SPIDR: variants seen among roughly 807,000 people sequenced by gnomAD.
SPIDR encodes scaffold protein involved in DNA repair.
Under a neutral mutation model 104.6 loss-of-function variants are expected in SPIDR, and 93 were observed. That is an observed-to-expected ratio of 0.89 (90% CI 0.75 to 1.06). SPIDR has a LOEUF of 1.06. Ranked by LOEUF, SPIDR falls within the 50% of genes least tolerant of loss-of-function variation. The pLI is 0.00. For missense variants in SPIDR, 1,154 were observed against 1,111.2 expected (o/e 1.04, Z -0.55); for synonymous variants, 431 against 416.9 (o/e 1.03, Z -0.41).
intron 5 of SPIDR, among the ~76,000 whole-genome samples, chr8:47,357,229 T>C (rs1212017916): frequency 6.6e-6 from 1 of 152,236 alleles, no homozygotes; most frequent in Admixed American, 6.5e-5. Flanking sequence ...TTCTTGTTCA[T>C]CTTTTACTAA....
intron 11 of SPIDR, among the ~76,000 whole-genome samples, chr8:47,691,465 T>C (rs932154606): frequency 2.0e-5 from 3 of 152,196 alleles, no homozygotes; most frequent in Non-Finnish European, 2.9e-5. Flanking sequence ...CCTTCCTGGC[T>C]GTCCCACCAC....
At chr8:47,320,115 A>C (rs941771161) in intron 5 of SPIDR, among the ~76,000 whole-genome samples, 1 of 152,182 alleles carries the variant, frequency 6.6e-6, no homozygotes, top group African/African-American at 2.4e-5. Flanking sequence ...AACTGAAGGA[A>C]ATAGAGACAT....
At chr8:47,294,193 T>C in intron 5 of SPIDR, 163 bp downstream of exon 5, 1 of 846,132 alleles carries the variant, frequency 1.2e-6, no homozygotes. Context: ...CTAAATAACA[T>C]GCTTGTGCTG....
intron 5 of SPIDR, among the ~76,000 whole-genome samples, chr8:47,395,420 C>G (rs572096160): frequency 2.0e-4 from 30 of 152,222 alleles, no homozygotes; most frequent in African/African-American, 7.2e-4. Flanking sequence ...TGTAGATTTG[C>G]TAATGATGTA....
chr8:47,321,309 G>A (rs532617349), intron 5 of SPIDR, among the ~76,000 whole-genome samples: 1 of 151,922 alleles, frequency 6.6e-6, no homozygotes, highest in South Asian at 2.1e-4. Flanking sequence ...AACAGAGAAA[G>A]AGAGAGCCAA....
intron 1 of SPIDR, among the ~76,000 whole-genome samples, chr8:47,272,671 T>G (rs2035573503): frequency 1.3e-5 from 2 of 152,184 alleles, no homozygotes; most frequent in African/African-American, 4.8e-5. Flanking sequence ...AGTTTTTTCC[T>G]GGGCACGTGC....
chr8:47,441,926 A>G (rs2069524975), intron 8 of SPIDR, among the ~76,000 whole-genome samples: 1 of 152,094 alleles, frequency 6.6e-6, no homozygotes, highest in African/African-American at 2.4e-5. Context: ...ATACAATTTT[A>G]ATGCTGCCTT....
rs368238629 is a variant in SPIDR at position 47,715,425 on chromosome 8, C to G, written c.2341+1784C>G. On this transcript the variant is annotated intron_variant, in intron 16 of 19. Coordinates refer to ENST00000297423, the MANE Select transcript of SPIDR (RefSeq NM_001080394.4). ...CTCCTGACCTCAGGTGATCTCCTCT[C>G]CTCGGCCTCCCAAAATGCTGGGATT... Among the ~76,000 whole-genome samples the G allele has an allele frequency of 2.2e-4, 33 of 152,268 alleles. No homozygotes were observed. In the Middle Eastern group the frequency reaches 0.01, roughly 47 times the overall value.
intron 10 of SPIDR, among the ~76,000 whole-genome samples, chr8:47,627,709 C>T (rs909205864): frequency 7.9e-5 from 12 of 152,144 alleles, no homozygotes; most frequent in Non-Finnish European, 8.8e-5. Flanking sequence ...CCAGCACCCC[C>T]ATCGGTGCTC....
intron 8 of SPIDR, among the ~76,000 whole-genome samples, chr8:47,594,278 G>A (rs942298388): frequency 6.6e-6 from 1 of 151,956 alleles, no homozygotes. Flanking sequence ...GGGAGGCTGA[G>A]GTGGGAGAAT....
chr8:47,627,846 G>A (rs1273799960), intron 10 of SPIDR, among the ~76,000 whole-genome samples: 1 of 152,218 alleles, frequency 6.6e-6, no homozygotes, highest in African/African-American at 2.4e-5. Flanking sequence ...GAGTGGAATG[G>A]AGAAGTTAGC....
chr8:47,693,546 G>A (rs1235657508), intron 11 of SPIDR, among the ~76,000 whole-genome samples: 3 of 152,196 alleles, frequency 2.0e-5, no homozygotes, highest in Admixed American at 6.5e-5. Context: ...CCATGGCCTC[G>A]TGCCATGCCA....
rs1483024600 is a variant in SPIDR, at chr8:47,551,402, A to G, written c.1098-44409A>G. 7.9e-5 allele frequency among the ~76,000 whole-genome samples: 12 copies of G among 152,088 alleles called. No homozygotes were observed. The East Asian group carries it at 2.3e-3, about 29-fold the overall frequency. ...TTGGCTGTGAATCCATCTGGTCCTGAACTTTTTTTGGTTGGTAGACTATTA... is the reference window on the plus strand; with the variant it reads ...TTGGCTGTGAATCCATCTGGTCCTGGACTTTTTTTGGTTGGTAGACTATTA... On this transcript the variant is annotated intron_variant, in intron 8 of 19. Coordinates refer to ENST00000297423, the MANE Select transcript of SPIDR (RefSeq NM_001080394.4).
chr8:47,616,257 G>C (rs879639993), intron 10 of SPIDR, among the ~76,000 whole-genome samples: 2 of 152,164 alleles, frequency 1.3e-5, no homozygotes, highest in Non-Finnish European at 2.9e-5. Context: ...ATCTTGGGGA[G>C]AGCTCTCATT....
rs202111658 is a variant in SPIDR, at chr8:47,321,707, G to A, written c.525+27677G>A. On this transcript the variant is annotated intron_variant, in intron 5 of 19. Transcript: ENST00000297423. ...TGACTTCAAACTATACTACAAGGCT[G>A]CAGTAACCAAAACTGCATGGTACTG... Among the ~76,000 whole-genome samples the A allele has an allele frequency of 1.3e-3, 205 of 152,208 alleles. 2 individuals are homozygous for A. The highest frequency in any genetic ancestry group is 4.6e-3 in the African/African-American group (191 of 41,538).
chr8:47,727,553 A>G (rs2084448838), intron 17 of SPIDR, among the ~76,000 whole-genome samples: 1 of 152,200 alleles, frequency 6.6e-6, no homozygotes, highest in Admixed American at 6.5e-5. Flanking sequence ...ATTATCAGCC[A>G]GGAGAATTAA....
intron 8 of SPIDR, among the ~76,000 whole-genome samples, chr8:47,575,856 A>G (rs1435270336): frequency 1.3e-5 from 2 of 149,660 alleles, no homozygotes; most frequent in Non-Finnish European, 1.5e-5. Context: ...GCTACTTAGG[A>G]GGCTGAGGCA....
intron 8 of SPIDR, among the ~76,000 whole-genome samples, chr8:47,541,788 A>G (rs955759041): frequency 3.3e-5 from 5 of 152,080 alleles, no homozygotes; most frequent in Non-Finnish European, 4.4e-5. Flanking sequence ...AGTCTCAGCT[A>G]TTCGGGAGGC....
At chr8:47,416,627 C>CT (rs113154517) in intron 7 of SPIDR, among the ~76,000 whole-genome samples, 4,337 of 151,482 alleles carry the variant, frequency 0.029, 215 homozygotes, top group African/African-American at 0.098. Context: ...TCAATGAATT[C>CT]TTTTTTTTTA....
Sources: gnomAD v4.1 joint callset for allele counts (sites outside exome capture counted in the v4.1 genomes callset) on GRCh38, gnomAD v4.1.1 for gene constraint, MANE v1.5 for transcripts, NCBI Gene and HGNC (gene_info 2026-07-23, HGNC 2026-07-21) for gene names.